The following PBX3 variants were observed in gnomAD, a reference collection of about 807,000 sequenced individuals.
PBX3 encodes PBX homeobox 3.
A neutral mutation model predicts 48.5 loss-of-function variants in PBX3; 14 were observed. That is an observed-to-expected ratio of 0.29 (90% confidence interval 0.19 to 0.45). The LOEUF is 0.45. PBX3 is among the 20% of genes least tolerant of loss of function. The probability of loss-of-function intolerance (pLI) is 1.00; values close to 1 mark genes in which losing one functional copy is unlikely to be tolerated. For synonymous variants in PBX3, 210 were observed against 200.3 expected (o/e 1.05, Z -0.41); for missense variants, 386 against 546.7 (o/e 0.71, Z 2.93).
At chr9:125,916,569 C>T (rs1023688971) in intron 3 of PBX3, among the ~76,000 whole-genome samples, 8 of 152,116 alleles carry the variant, frequency 5.3e-5, no homozygotes, top group Middle Eastern at 3.2e-3. Flanking sequence ...CATACTGAAT[C>T]TCAGATAACT....
intron 2 of PBX3, among the ~76,000 whole-genome samples, chr9:125,806,983 T>C (rs1169383856): frequency 6.6e-6 from 1 of 152,222 alleles, no homozygotes; most frequent in Non-Finnish European, 1.5e-5. Flanking sequence ...CTTTAAGTTA[T>C]TAGAAATGGA....
intron 2 of PBX3, among the ~76,000 whole-genome samples, chr9:125,866,077 T>C (rs539935129): frequency 1.3e-5 from 2 of 151,996 alleles, no homozygotes; most frequent in South Asian, 4.1e-4. Context: ...AAAGCAACGG[T>C]CACATAAATC....
intron 2 of PBX3, among the ~76,000 whole-genome samples, chr9:125,825,398 CAAT>C (rs1021456529): frequency 8.6e-5 from 13 of 150,990 alleles, no homozygotes; most frequent in African/African-American, 2.9e-4. Context: ...TTTAAAATAA[CAAT>C]AACACGTTAG....
chr9:125,819,106 G>A (rs1838568478), intron 2 of PBX3, among the ~76,000 whole-genome samples: 1 of 151,932 alleles, frequency 6.6e-6, no homozygotes, highest in Non-Finnish European at 1.5e-5. Flanking sequence ...AAAGTGCTGG[G>A]ATTACAGGTA....
chr9:125,966,535 G>A lies in PBX3; in HGVS notation c.*612G>A, dbSNP rs1054446820. ...AAGCACCAGTGCCCAGAGTCTGCTC[G>A]GTAATAAAATTATGGATCCAGATTG... On this transcript the variant is annotated 3_prime_UTR_variant, in exon 9 of 9. Transcript: ENST00000373489. 2.0e-5 allele frequency: 3 copies of A among 152,598 alleles called. No homozygotes were observed. The highest frequency in any genetic ancestry group is 4.8e-5 in the African/African-American group (2 of 41,424). The allele number at this position is 152,598 out of a possible 1,614,324, so 9.5% of individuals were successfully genotyped here.
At chr9:125,964,265 G>T (rs1282221867) in intron 8 of PBX3, among the ~76,000 whole-genome samples, 1 of 152,204 alleles carries the variant, frequency 6.6e-6, no homozygotes, top group Non-Finnish European at 1.5e-5. Context: ...CTGCCATGCT[G>T]GGTAAAAATA....
chr9:125,919,301 C>T (rs968609389), intron 3 of PBX3, among the ~76,000 whole-genome samples: 1 of 151,158 alleles, frequency 6.6e-6, no homozygotes, highest in Admixed American at 6.6e-5. Flanking sequence ...GCGACCTCCG[C>T]TTCCCAGGTT....
At chr9:125,794,831 A>G (rs1195825472) in intron 2 of PBX3, among the ~76,000 whole-genome samples, 3 of 152,020 alleles carry the variant, frequency 2.0e-5, no homozygotes, top group African/African-American at 7.2e-5. Context: ...AGCACTGTTC[A>G]GTGTGTACAC....
chr9:125,840,240 G>C (rs950407255), intron 2 of PBX3, among the ~76,000 whole-genome samples: 8 of 151,928 alleles, frequency 5.3e-5, no homozygotes, highest in African/African-American at 1.2e-4. Context: ...ATTTTTTTCA[G>C]GATGGAGTTT....
At chr9:125,827,067 C>T (rs1838828812) in intron 2 of PBX3, among the ~76,000 whole-genome samples, 1 of 152,166 alleles carries the variant, frequency 6.6e-6, no homozygotes, top group Non-Finnish European at 1.5e-5. Flanking sequence ...GTGTCTGTCA[C>T]TCTATTCTCT....
chr9:125,750,716 T>C (rs535638820), intron 2 of PBX3, among the ~76,000 whole-genome samples: 18 of 152,332 alleles, frequency 1.2e-4, no homozygotes. Flanking sequence ...ATTTGCACGT[T>C]ATCTCTTTTG....
chr9:125,837,974 T>A (rs1195582529), intron 2 of PBX3, among the ~76,000 whole-genome samples: 1 of 152,224 alleles, frequency 6.6e-6, no homozygotes, highest in Non-Finnish European at 1.5e-5. Flanking sequence ...ACTACCCTGT[T>A]GAAATGGTAG....
intron 5 of PBX3, among the ~76,000 whole-genome samples, chr9:125,941,442 A>G (rs1830671666): frequency 6.6e-6 from 1 of 152,210 alleles, no homozygotes; most frequent in Non-Finnish European, 1.5e-5. Flanking sequence ...CTGTACTGAC[A>G]TTAGACCCTG....
At chr9:125,886,588 C>T (rs1840507788) in intron 2 of PBX3, among the ~76,000 whole-genome samples, 1 of 152,048 alleles carries the variant, frequency 6.6e-6, no homozygotes, top group Non-Finnish European at 1.5e-5. Context: ...TACTGAGAGC[C>T]TTTAGGCAAA....
At chr9:125,960,043 CA>C (rs1449704019) in intron 5 of PBX3, among the ~76,000 whole-genome samples, 3 of 152,204 alleles carry the variant, frequency 2.0e-5, no homozygotes, top group African/African-American at 7.2e-5. Context: ...AAATATATTC[CA>C]CCTGATGACA....
intron 2 of PBX3, among the ~76,000 whole-genome samples, chr9:125,912,506 A>G (rs1841226522): frequency 6.6e-6 from 1 of 152,154 alleles, no homozygotes; most frequent in East Asian, 1.9e-4. Flanking sequence ...TTGCTGAAAG[A>G]TATGCAAAAA....
At chr9:125,899,250 T>C (rs1207430988) in intron 2 of PBX3, among the ~76,000 whole-genome samples, 2 of 125,010 alleles carry the variant, frequency 1.6e-5, no homozygotes, top group Non-Finnish European at 3.4e-5. Flanking sequence ...TATACATATG[T>C]ATATATATTT....
intron 2 of PBX3, among the ~76,000 whole-genome samples, chr9:125,817,535 A>G (rs974379917): frequency 2.0e-5 from 3 of 152,158 alleles, no homozygotes; most frequent in South Asian, 2.1e-4. Context: ...TTACATTCAT[A>G]TTTGCTGAGT....
chr9:125,826,945 C>T lies in PBX3; in HGVS notation c.274+78322C>T, dbSNP rs1274109432. Among the ~76,000 whole-genome samples, 3 of 152,146 alleles carry T rather than the reference C, an allele frequency of 2.0e-5. No individual in the cohort carries two copies. In the East Asian group the frequency reaches 5.8e-4, roughly 29 times the overall value. On this transcript the variant is annotated intron_variant, in intron 2 of 8. Coordinates refer to ENST00000373489, the MANE Select transcript of PBX3 (RefSeq NM_006195.6). ...CACATTCTTGCTAACTGTAGTCACT[C>T]TACCCTGCTATCAAACATTAGAAAT...
Sources: allele counts gnomAD v4.1 joint callset (sites outside exome capture counted in the v4.1 genomes callset), GRCh38; gene constraint gnomAD v4.1.1; transcripts MANE v1.5; gene names NCBI Gene and HGNC (gene_info 2026-07-23, HGNC 2026-07-21).